Variants in SMYD3 observed in about 807,000 individuals in gnomAD.
SMYD3 encodes the protein histone-lysine N-methyltransferase SMYD3.
A neutral mutation model predicts 57.7 loss-of-function variants in SMYD3; 36 were observed. The observed-to-expected ratio is 0.62, with a 90% CI of 0.48 to 0.82. The LOEUF is 0.82. Among genes scored for constraint, SMYD3 ranks in the 40% least tolerant of loss-of-function variants. The probability of loss-of-function intolerance (pLI) is 0.00; values close to 1 mark genes in which losing one functional copy is unlikely to be tolerated. For synonymous variants in SMYD3, 211 were observed against 195.0 expected, an observed-to-expected ratio of 1.08 and a Z score of -0.68; for missense variants, 515 against 538.8, an observed-to-expected ratio of 0.96 and a Z score of 0.44.
intron 5 of SMYD3, among the ~76,000 whole-genome samples, chr1:246,317,994 A>T: frequency 6.6e-6 from 1 of 152,216 alleles, no homozygotes. Context: ...AGTCAGAGCT[A>T]TCAAGTAATT....
At chr1:246,215,958 T>G (rs2063157306) in intron 5 of SMYD3, among the ~76,000 whole-genome samples, 1 of 152,090 alleles carries the variant, frequency 6.6e-6, no homozygotes, top group Non-Finnish European at 1.5e-5. Flanking sequence ...GGAAACCGAA[T>G]AGAGAGCGAA....
intron 5 of SMYD3, among the ~76,000 whole-genome samples, chr1:246,100,247 G>C (rs1050977392): frequency 8.5e-5 from 13 of 152,170 alleles, no homozygotes; most frequent in African/African-American, 3.1e-4. Context: ...ATTAGTATAA[G>C]CTTTTCATAC....
intron 1 of SMYD3, among the ~76,000 whole-genome samples, chr1:246,430,439 T>A (rs1425445257): frequency 6.6e-6 from 1 of 152,214 alleles, no homozygotes; most frequent in Non-Finnish European, 1.5e-5. Context: ...TGAGTTGAAC[T>A]AGAGCGAAGG....
chr1:246,200,100 G>A (rs76275398), intron 5 of SMYD3, among the ~76,000 whole-genome samples: 181 of 2,064 alleles, frequency 0.088, no homozygotes, highest in Non-Finnish European at 0.13. Context: ...AGACGCTGAG[G>A]TAGAATGTAC....
chr1:246,442,446 G>A (rs2067484979), intron 1 of SMYD3, among the ~76,000 whole-genome samples: 1 of 152,082 alleles, frequency 6.6e-6, no homozygotes, highest in Admixed American at 6.6e-5. Context: ...CTACTCGGGA[G>A]GCTGAGGCAG....
At chr1:245,829,776 A>T (rs2049727593) in intron 10 of SMYD3, among the ~76,000 whole-genome samples, 1 of 152,236 alleles carries the variant, frequency 6.6e-6, no homozygotes, top group African/African-American at 2.4e-5. Flanking sequence ...CAACATTCAT[A>T]AAATATTACT....
intron 1 of SMYD3, among the ~76,000 whole-genome samples, chr1:246,478,363 C>T (rs74155516): frequency 0.058 from 8,416 of 144,998 alleles, 227 homozygotes; most frequent in African/African-American, 0.22. Flanking sequence ...GCACACCTGT[C>T]CTCTGTCCTG....
At chr1:246,286,051 C>G (rs1261405669) in intron 5 of SMYD3, among the ~76,000 whole-genome samples, 2 of 152,066 alleles carry the variant, frequency 1.3e-5, no homozygotes, top group Non-Finnish European at 2.9e-5. Flanking sequence ...GGAATGTAAA[C>G]CAGTACAACC....
At chr1:246,337,110 G>T (rs989048257) in intron 2 of SMYD3, among the ~76,000 whole-genome samples, 31 of 152,260 alleles carry the variant, frequency 2.0e-4, no homozygotes, top group African/African-American at 6.7e-4. Context: ...CTCAGTGAAA[G>T]AACAAGCTTC....
At chr1:245,899,205 T>C (rs978948359) in intron 8 of SMYD3, among the ~76,000 whole-genome samples, 1 of 152,196 alleles carries the variant, frequency 6.6e-6, no homozygotes, top group African/African-American at 2.4e-5. Flanking sequence ...TGAACTAATG[T>C]TGAATTTATG....
At chr1:246,122,310 G>A (rs2061437028) in intron 5 of SMYD3, among the ~76,000 whole-genome samples, 1 of 152,124 alleles carries the variant, frequency 6.6e-6, no homozygotes, top group Non-Finnish European at 1.5e-5. Flanking sequence ...TACTCAGGAG[G>A]CGGGGGCAGG....
chr1:246,059,916 ATACTT>A (rs893216637), intron 5 of SMYD3, among the ~76,000 whole-genome samples: 1 of 152,300 alleles, frequency 6.6e-6, no homozygotes, highest in African/African-American at 2.4e-5. Context: ...ACAGTACAGA[ATACTT>A]AAGTTACAAT....
At chr1:246,405,283 A>G (rs1030833014) in intron 1 of SMYD3, among the ~76,000 whole-genome samples, 18 of 152,290 alleles carry the variant, frequency 1.2e-4, no homozygotes, top group African/African-American at 3.8e-4. Context: ...CGTATACACA[A>G]TGTGTAATGA....
chr1:246,302,286 G>C (rs900762628), intron 5 of SMYD3, among the ~76,000 whole-genome samples: 3 of 152,118 alleles, frequency 2.0e-5, no homozygotes, highest in Non-Finnish European at 4.4e-5. Context: ...CTAGCAATGG[G>C]GGGAGACCAG....
intron 5 of SMYD3, among the ~76,000 whole-genome samples, chr1:246,291,209 G>A (rs977499083): frequency 2.0e-5 from 3 of 147,962 alleles, no homozygotes; most frequent in Non-Finnish European, 3.0e-5. Flanking sequence ...GTTCCCCTCT[G>A]GTTTCTTTCC....
At chr1:246,493,405 ATCAC>A (rs2068301928) in intron 1 of SMYD3, among the ~76,000 whole-genome samples, 1 of 152,184 alleles carries the variant, frequency 6.6e-6, no homozygotes, top group Non-Finnish European at 1.5e-5. Flanking sequence ...GATGTCAGAA[ATCAC>A]TCAATACCTT....
At chr1:246,460,498 C>G (rs1182144128) in intron 1 of SMYD3, among the ~76,000 whole-genome samples, 1 of 152,096 alleles carries the variant, frequency 6.6e-6, no homozygotes, top group African/African-American at 2.4e-5. Context: ...TTTTCTACAG[C>G]TTTTGTTTCA....
chr1:246,026,600 T>C (rs2059578500), intron 5 of SMYD3, among the ~76,000 whole-genome samples: 1 of 152,210 alleles, frequency 6.6e-6, no homozygotes, highest in Non-Finnish European at 1.5e-5. Context: ...TCAGTGTTCT[T>C]TGACATTACT....
At chr1:246,457,554 G>GA (rs1558473771) in intron 1 of SMYD3, among the ~76,000 whole-genome samples, 15 of 72,476 alleles carry the variant, frequency 2.1e-4, no homozygotes, top group African/African-American at 7.0e-4. Flanking sequence ...AAAAAGAAAA[G>GA]AAAAGAAAAG....
Sources: allele counts gnomAD v4.1 joint callset (sites outside exome capture counted in the v4.1 genomes callset), GRCh38; gene constraint gnomAD v4.1.1; transcripts MANE v1.5; gene names NCBI Gene and HGNC (gene_info 2026-07-23, HGNC 2026-07-21).